Variants in BMPR1B observed in about 807,000 individuals in gnomAD.
BMPR1B encodes the protein bone morphogenetic protein receptor type-1B.
A neutral mutation model predicts 59.1 loss-of-function variants in BMPR1B; 12 were observed. That is an observed-to-expected ratio of 0.20 (90% CI 0.13 to 0.33). The LOEUF is 0.33. Ranked by LOEUF, BMPR1B falls within the 10% of genes least tolerant of loss-of-function variation. BMPR1B has a pLI of 1.00. For synonymous variants in BMPR1B, 237 were observed against 207.3 expected, an observed-to-expected ratio of 1.14 and a Z score of -1.23; for missense variants, 550 against 610.9, an observed-to-expected ratio of 0.90 and a Z score of 1.05.
intron 2 of BMPR1B, among the ~76,000 whole-genome samples, chr4:94,928,801 G>A (rs1728986347): frequency 6.6e-6 from 1 of 151,968 alleles, no homozygotes; most frequent in South Asian, 2.1e-4. Context: ...ATAATCAACT[G>A]AGCAATTAAT....
intron 4 of BMPR1B, among the ~76,000 whole-genome samples, chr4:95,110,022 G>T (rs187825824): frequency 4.9e-4 from 74 of 151,916 alleles, no homozygotes; most frequent in African/African-American, 1.7e-3. Flanking sequence ...CTCTCCTCTT[G>T]TACCTCTCAT....
At chr4:95,034,519 G>T (rs1220119345) in intron 3 of BMPR1B, among the ~76,000 whole-genome samples, 1 of 151,906 alleles carries the variant, frequency 6.6e-6, no homozygotes, top group East Asian at 1.9e-4. Context: ...TTATAAGTGG[G>T]AAATACAATG....
chr4:95,006,666 C>G (rs1722860169), intron 3 of BMPR1B, among the ~76,000 whole-genome samples: 1 of 151,554 alleles, frequency 6.6e-6, no homozygotes, highest in Non-Finnish European at 1.5e-5. Flanking sequence ...CTCAGCCTCC[C>G]CAGTAGCTGG....
At chr4:94,941,504 C>T (rs916438152) in intron 2 of BMPR1B, among the ~76,000 whole-genome samples, 1 of 150,952 alleles carries the variant, frequency 6.6e-6, no homozygotes, top group Non-Finnish European at 1.5e-5. Context: ...GAAAATAGTA[C>T]AGTTAAAATC....
At chr4:95,080,256 A>G (rs946496365) in intron 3 of BMPR1B, among the ~76,000 whole-genome samples, 1 of 152,194 alleles carries the variant, frequency 6.6e-6, no homozygotes, top group African/African-American at 2.4e-5. Context: ...GTATGTATGT[A>G]TATAAAGTCT....
intron 2 of BMPR1B, among the ~76,000 whole-genome samples, chr4:94,929,418 T>G (rs570740528): frequency 1.3e-5 from 2 of 152,254 alleles, no homozygotes; most frequent in Non-Finnish European, 1.5e-5. Context: ...CTGCTAAAAC[T>G]CTTTTGCAAA....
chr4:95,133,046 C>T (rs2149304178), intron 10 of BMPR1B, among the ~76,000 whole-genome samples: 1 of 152,284 alleles, frequency 6.6e-6, no homozygotes, highest in Non-Finnish European at 1.5e-5. Context: ...TCCTAGTTCC[C>T]AGTTTTGGCT....
intron 2 of BMPR1B, among the ~76,000 whole-genome samples, chr4:94,909,414 G>A (rs1728189059): frequency 6.6e-6 from 1 of 151,874 alleles, no homozygotes; most frequent in African/African-American, 2.4e-5. Flanking sequence ...CTGCTTGTGG[G>A]TATGTGGCCG....
At chr4:94,775,733 G>A (rs377243822) in intron 1 of BMPR1B, among the ~76,000 whole-genome samples, 1 of 152,204 alleles carries the variant, frequency 6.6e-6, no homozygotes, top group Non-Finnish European at 1.5e-5. Flanking sequence ...TGTGTAAACC[G>A]TGATCCAGTT....
chr4:94,887,403 C>CAAAAAAAA (rs57818132), intron 2 of BMPR1B, among the ~76,000 whole-genome samples: 57 of 54,712 alleles, frequency 1.0e-3, no homozygotes, highest in Non-Finnish European at 1.2e-3. Context: ...CACCCCCCAC[C>CAAAAAAAA]AAAAAAAAAA....
chr4:95,105,505 A>T (rs1183431548), intron 4 of BMPR1B, among the ~76,000 whole-genome samples: 1 of 151,928 alleles, frequency 6.6e-6, no homozygotes, highest in Admixed American at 6.6e-5. Flanking sequence ...AGAGCTTTTT[A>T]AAAAAGGTTT....
chr4:95,146,702 C>T (rs757380311), intron 10 of BMPR1B, among the ~76,000 whole-genome samples: 3 of 152,166 alleles, frequency 2.0e-5, no homozygotes, highest in African/African-American at 7.2e-5. Context: ...TACCTGGGGT[C>T]ACCACTATCT....
chr4:94,969,666 T>C (rs988605410), intron 2 of BMPR1B, among the ~76,000 whole-genome samples: 7 of 152,218 alleles, frequency 4.6e-5, no homozygotes, highest in African/African-American at 1.4e-4. Flanking sequence ...ATTTTTCTCC[T>C]TAACATTTAT....
chr4:94,791,073 C>T (rs1312831454), intron 1 of BMPR1B, among the ~76,000 whole-genome samples: 6 of 152,134 alleles, frequency 3.9e-5, no homozygotes, highest in East Asian at 1.9e-4. Flanking sequence ...CTGCAACCTC[C>T]GCCTCCTGGG....
intron 1 of BMPR1B, among the ~76,000 whole-genome samples, chr4:94,868,600 C>T (rs1726351342): frequency 6.6e-6 from 1 of 152,128 alleles, no homozygotes; most frequent in South Asian, 2.1e-4. Flanking sequence ...TCCTTTGTTT[C>T]CAGTGTTGAA....
chr4:94,977,192 C>T (rs1186612809), intron 2 of BMPR1B, among the ~76,000 whole-genome samples: 2 of 152,128 alleles, frequency 1.3e-5, no homozygotes, highest in Non-Finnish European at 1.5e-5. Context: ...TGGGATAACA[C>T]CCTGATGGTT....
intron 2 of BMPR1B, among the ~76,000 whole-genome samples, chr4:94,948,326 G>C (rs1364886130): frequency 6.6e-6 from 1 of 152,182 alleles, no homozygotes; most frequent in East Asian, 1.9e-4. Context: ...AGCATGAAGA[G>C]ATACCTGAAA....
chr4:95,116,414 A>AGCGCGCGCGCGCGCGCGCGCCC (rs746066664), intron 6 of BMPR1B, among the ~76,000 whole-genome samples: 1 of 74,204 alleles, frequency 1.3e-5, no homozygotes, highest in African/African-American at 4.3e-5. Flanking sequence ...CCATGCTTTC[A>AGCGCGCGCGCGCGCGCGCGCCC]GCGCGCGCAC....
At chr4:95,138,664 C>T (rs1733986984) in intron 10 of BMPR1B, among the ~76,000 whole-genome samples, 1 of 152,174 alleles carries the variant, frequency 6.6e-6, no homozygotes. Flanking sequence ...ATTTGATCTT[C>T]CATCACTGAT....
Sources: allele counts gnomAD v4.1 joint callset (sites outside exome capture counted in the v4.1 genomes callset), GRCh38; gene constraint gnomAD v4.1.1; transcripts MANE v1.5; gene names NCBI Gene and HGNC (gene_info 2026-07-23, HGNC 2026-07-21).